Variants in CSMD1 observed in about 807,000 individuals in gnomAD.
CSMD1 encodes the protein CUB and Sushi multiple domains 1, also known as CUB and sushi domain-containing protein 1.
A neutral mutation model predicts 417.5 loss-of-function variants in CSMD1; 213 were observed. The ratio of observed to expected loss-of-function variants is 0.51; its 90% CI spans 0.46 to 0.57. CSMD1 has a LOEUF of 0.57. Among genes scored for constraint, CSMD1 ranks in the 20% least tolerant of loss-of-function variants. The pLI is 0.00. For synonymous variants in CSMD1, 2,862 were observed against 1,736.8 expected (o/e 1.65, Z -16.11); for missense variants, 6,923 against 4,529.7 (o/e 1.53, Z -15.17).
At chr8:4,736,191 A>C (rs1810223523) in intron 1 of CSMD1, among the ~76,000 whole-genome samples, 1 of 152,142 alleles carries the variant, frequency 6.6e-6, no homozygotes, top group Non-Finnish European at 1.5e-5. Flanking sequence ...CTCTATGTTT[A>C]ATTATCTGTG....
intron 1 of CSMD1, among the ~76,000 whole-genome samples, chr8:4,728,572 GCT>G (rs1430109023): frequency 2.0e-5 from 3 of 151,986 alleles, no homozygotes; most frequent in Non-Finnish European, 4.4e-5. Context: ...TCTTTATTCA[GCT>G]CTGTTACTGA....
chr8:3,262,018 A>G (rs569604721), intron 26 of CSMD1, among the ~76,000 whole-genome samples: 1 of 151,950 alleles, frequency 6.6e-6, no homozygotes, highest in African/African-American at 2.4e-5. Context: ...AAGTGTGCAC[A>G]GGGTCTCTGT....
intron 2 of CSMD1, among the ~76,000 whole-genome samples, chr8:4,458,729 A>G (rs1160148903): frequency 1.3e-5 from 2 of 152,192 alleles, no homozygotes; most frequent in Non-Finnish European, 2.9e-5. Flanking sequence ...TGGGAAAAAT[A>G]TTCTCCTTTT....
rs545436788 is a variant in CSMD1 at position 4,057,096 on chromosome 8, C to A, written c.416-24997G>T. Among the ~76,000 whole-genome samples the A allele has an allele frequency of 9.0e-3, 1,371 of 152,272 alleles. 18 individuals are homozygous for A. Among genetic ancestry groups the A allele is most frequent in the Non-Finnish European group, 0.013 (878 of 68,026 alleles). On this transcript the variant is annotated intron_variant, in intron 3 of 69. Transcript: ENST00000635120. ...AAATGGTATTTGTAGTTCTAGATCC[C>A]TGAGGAATCGCCACACTGACTTCCA...
At chr8:3,481,075 G>A (rs1379630652) in intron 11 of CSMD1, among the ~76,000 whole-genome samples, 2 of 143,150 alleles carry the variant, frequency 1.4e-5, no homozygotes, top group African/African-American at 5.2e-5. Context: ...AGAGTGCTTT[G>A]AACCCAGAAG....
intron 3 of CSMD1, among the ~76,000 whole-genome samples, chr8:4,221,943 A>C (rs1311464630): frequency 6.6e-6 from 1 of 152,136 alleles, no homozygotes; most frequent in African/African-American, 2.4e-5. Context: ...AACCAGTAAC[A>C]ACACTGTCCA....
At chr8:3,661,731 A>C (rs1452962736) in intron 7 of CSMD1, among the ~76,000 whole-genome samples, 1 of 152,070 alleles carries the variant, frequency 6.6e-6, no homozygotes, top group Non-Finnish European at 1.5e-5. Flanking sequence ...TCCTGACCTC[A>C]AGTGATTCAC....
intron 5 of CSMD1, among the ~76,000 whole-genome samples, chr8:3,828,326 G>A (rs76992082): frequency 0.02 from 3,023 of 152,256 alleles, 118 homozygotes; most frequent in African/African-American, 0.069. Flanking sequence ...TTTCACTTAA[G>A]TATAATGAAT....
At chr8:4,166,716 A>G (rs955578058) in intron 3 of CSMD1, among the ~76,000 whole-genome samples, 1 of 152,304 alleles carries the variant, frequency 6.6e-6, no homozygotes, top group South Asian at 2.1e-4. Flanking sequence ...GAACATATCT[A>G]TGTAACCCAA....
chr8:4,823,275 G>A (rs1332364348), intron 1 of CSMD1, among the ~76,000 whole-genome samples: 1 of 151,650 alleles, frequency 6.6e-6, no homozygotes, highest in Non-Finnish European at 1.5e-5. Context: ...TGAAACTCTT[G>A]GAATTAAAAA....
intron 1 of CSMD1, among the ~76,000 whole-genome samples, chr8:4,985,255 A>G (rs1811115598): frequency 2.6e-5 from 4 of 152,202 alleles, no homozygotes; most frequent in Admixed American, 2.6e-4. Flanking sequence ...AAAGTAACTA[A>G]TGGATACTAG....
chr8:4,686,781 C>T (rs750909855), intron 1 of CSMD1, among the ~76,000 whole-genome samples: 6 of 152,192 alleles, frequency 3.9e-5, no homozygotes, highest in Non-Finnish European at 7.3e-5. Flanking sequence ...CCTTCTCCTT[C>T]GCTTCAGAGA....
intron 7 of CSMD1, among the ~76,000 whole-genome samples, chr8:3,624,931 T>A (rs1796421878): frequency 6.6e-6 from 1 of 152,170 alleles, no homozygotes; most frequent in African/African-American, 2.4e-5. Flanking sequence ...TGCCACACCC[T>A]TCTTCAAAAA....
intron 2 of CSMD1, among the ~76,000 whole-genome samples, chr8:4,453,850 C>G (rs796415278): frequency 9.3e-6 from 1 of 107,718 alleles, no homozygotes. Flanking sequence ...GAGACAGAGT[C>G]TCACTCTGTC....
intron 37 of CSMD1, among the ~76,000 whole-genome samples, chr8:3,162,915 A>C (rs1355906818): frequency 6.6e-6 from 1 of 152,202 alleles, no homozygotes; most frequent in Non-Finnish European, 1.5e-5. Context: ...TAAAGGCATC[A>C]TATAATACTG....
At chr8:4,758,544 C>G (rs916094579) in intron 1 of CSMD1, among the ~76,000 whole-genome samples, 1 of 152,142 alleles carries the variant, frequency 6.6e-6, no homozygotes, top group Non-Finnish European at 1.5e-5. Context: ...GAGGCAGAAA[C>G]GTCAGTGTAT....
At chr8:4,632,313 G>C (rs1389925682) in intron 2 of CSMD1, among the ~76,000 whole-genome samples, 2 of 152,154 alleles carry the variant, frequency 1.3e-5, no homozygotes, top group East Asian at 1.9e-4. Flanking sequence ...AGGAGTTCTA[G>C]ACCAGCCTGG....
intron 25 of CSMD1, among the ~76,000 whole-genome samples, chr8:3,298,338 A>G (rs1191960145): frequency 6.6e-6 from 1 of 152,220 alleles, no homozygotes; most frequent in Middle Eastern, 3.2e-3. Flanking sequence ...GAACCATCCA[A>G]ATGTCCATCA....
intron 1 of CSMD1, among the ~76,000 whole-genome samples, chr8:4,791,863 A>T (rs913839374): frequency 9.2e-5 from 14 of 151,968 alleles, no homozygotes; most frequent in South Asian, 2.1e-4. Flanking sequence ...TCAAAAAAAA[A>T]TTTTTTTAGC....
Sources: allele counts gnomAD v4.1 joint callset (sites outside exome capture counted in the v4.1 genomes callset), GRCh38; gene constraint gnomAD v4.1.1; transcripts MANE v1.5; gene names NCBI Gene and HGNC (gene_info 2026-07-23, HGNC 2026-07-21).